The following MMP26 variants were observed in gnomAD, a reference collection of about 807,000 sequenced individuals.
The protein encoded by MMP26 is matrix metalloproteinase-26.
MMP26 carries 33 observed loss-of-function variants against 31.0 expected under a neutral mutation model. The ratio of observed to expected loss-of-function variants is 1.06; its 90% CI spans 0.81 to 1.42. The LOEUF (loss-of-function observed/expected upper bound fraction) is 1.42, where lower values mean the gene tolerates loss of function less well. Ranked by LOEUF, MMP26 falls within the 40% of genes most tolerant of loss-of-function variation. MMP26 has a pLI of 0.00. For synonymous variants in MMP26, 122 were observed against 114.9 expected (o/e 1.06, Z -0.40); for missense variants, 347 against 316.1 (o/e 1.10, Z -0.74).
At chr11:4,881,739 C>T in intron 2 of MMP26, 2 of 672,618 alleles carry the variant, frequency 3.0e-6, no homozygotes, top group South Asian at 4.2e-5. Flanking sequence ...CCTAGATATA[C>T]TATTTAACCT....
chr11:4,825,710 T>G (rs1002539996), intron 2 of MMP26, among the ~76,000 whole-genome samples: 1 of 152,146 alleles, frequency 6.6e-6, no homozygotes, highest in Admixed American at 6.6e-5. Flanking sequence ...GTGATGCCAT[T>G]GAATTTCAAG....
intron 2 of MMP26, among the ~76,000 whole-genome samples, chr11:4,789,706 A>C (rs1055102596): frequency 2.6e-5 from 4 of 151,208 alleles, no homozygotes; most frequent in Non-Finnish European, 5.9e-5. Context: ...ACACCCAGCT[A>C]ATTTTTTGTA....
intron 2 of MMP26, among the ~76,000 whole-genome samples, chr11:4,792,715 T>C (rs1849046566): frequency 6.6e-6 from 1 of 151,106 alleles, no homozygotes. Context: ...GAACATGAAC[T>C]TCTGTTATCA....
intron 2 of MMP26, among the ~76,000 whole-genome samples, chr11:4,771,900 C>T (rs1317359032): frequency 6.6e-6 from 1 of 152,158 alleles, no homozygotes; most frequent in Non-Finnish European, 1.5e-5. Flanking sequence ...TCTATAAACC[C>T]ATATGACTAT....
chr11:4,816,829 G>T (rs1431330036), intron 2 of MMP26, among the ~76,000 whole-genome samples: 1 of 147,076 alleles, frequency 6.8e-6, no homozygotes. Flanking sequence ...TCAGCCTCCC[G>T]AGTAGCTGGG....
rs1290438774 is a variant in MMP26, at chr11:4,954,116, A to T, written c.-144-33952A>T. On this transcript the variant is annotated intron_variant, in intron 2 of 7. Transcript: ENST00000380390. ...AGAAGTGAGAGTTCAAATTTAAAAG[A>T]GGCACTCATATATTCAGTTTGCCTT... 8.7e-5 allele frequency among the ~76,000 whole-genome samples: 11 copies of T among 125,940 alleles called. 4 individuals carry two copies. Among genetic ancestry groups the T allele is most frequent in the Non-Finnish European group, 2.0e-4 (11 of 55,600 alleles). 82.6% of individuals were successfully genotyped at this position (125,940 alleles called of 152,430 possible).
intron 1 of MMP26, among the ~76,000 whole-genome samples, chr11:4,728,347 A>C (rs1219646995): frequency 6.6e-6 from 1 of 152,220 alleles, no homozygotes; most frequent in Non-Finnish European, 1.5e-5. Flanking sequence ...CTTATAGCTG[A>C]GTCCCTCTCT....
intron 2 of MMP26, among the ~76,000 whole-genome samples, chr11:4,891,900 A>G (rs1475848093): frequency 1.3e-5 from 2 of 152,090 alleles, no homozygotes; most frequent in Non-Finnish European, 2.9e-5. Flanking sequence ...TCTCCCTGGA[A>G]TTATAAGGTA....
chr11:4,786,193 A>G (rs1232829807), intron 2 of MMP26, among the ~76,000 whole-genome samples: 1 of 152,142 alleles, frequency 6.6e-6, no homozygotes, highest in Admixed American at 6.5e-5. Flanking sequence ...TCCAGGGAAG[A>G]GGAGAGCTGA....
chr11:4,763,186 G>A (rs1460664997), intron 1 of MMP26, among the ~76,000 whole-genome samples: 1 of 152,056 alleles, frequency 6.6e-6, no homozygotes, highest in Non-Finnish European at 1.5e-5. Flanking sequence ...ATGATATGAA[G>A]TCTGCATCAA....
intron 1 of MMP26, chr11:4,723,731 TA>T: frequency 8.2e-7 from 1 of 1,221,180 alleles, no homozygotes; most frequent in Non-Finnish European, 1.2e-6. Flanking sequence ...AGTTGCCGCC[TA>T]AGGTTGTTGA....
At chr11:4,968,605 T>C (rs1846626834) in intron 2 of MMP26, among the ~76,000 whole-genome samples, 1 of 152,020 alleles carries the variant, frequency 6.6e-6, no homozygotes, top group African/African-American at 2.4e-5. Flanking sequence ...CAAACTATTC[T>C]GATAAGACAC....
In MMP26 at chr11:4,828,524, G is replaced by C. The variant is rs1023903904; in HGVS notation, c.-145+61183G>C. Among the ~76,000 whole-genome samples, 5 of 152,114 alleles carry C rather than the reference G, an allele frequency of 3.3e-5. No individual in the cohort carries two copies. The East Asian group carries it at 9.6e-4, about 29-fold the overall frequency. ...TGGTAGGTAACATAAGAATTGATGG[G>C]GAAAGGAATAAAATTTACTTGTACT... On this transcript the variant is annotated intron_variant, in intron 2 of 7. Transcript: ENST00000380390.
intron 1 of MMP26, among the ~76,000 whole-genome samples, chr11:4,740,401 G>C (rs1012451268): frequency 6.6e-6 from 1 of 152,022 alleles, no homozygotes; most frequent in African/African-American, 2.4e-5. Flanking sequence ...TAATATTTTG[G>C]GGCTGGGGGC....
chr11:4,914,901 G>C (rs777651022), intron 2 of MMP26: 1 of 1,614,030 alleles, frequency 6.2e-7, no homozygotes, highest in South Asian at 1.1e-5. Context: ...GTGTAGAAGA[G>C]CAGCACAGCA....
chr11:4,762,353 C>T (rs1300243572), intron 1 of MMP26, among the ~76,000 whole-genome samples: 1 of 152,112 alleles, frequency 6.6e-6, no homozygotes, highest in Non-Finnish European at 1.5e-5. Flanking sequence ...TTTTAACATA[C>T]ATTGAACATT....
chr11:4,795,360 G>T (rs1302036557), intron 2 of MMP26: 2 of 152,108 alleles, frequency 1.3e-5, no homozygotes, highest in Non-Finnish European at 2.9e-5. Context: ...CCTAACATTT[G>T]GGGGAGAAAC....
intron 1 of MMP26, among the ~76,000 whole-genome samples, chr11:4,750,775 G>A (rs1848437942): frequency 6.6e-6 from 1 of 151,952 alleles, no homozygotes; most frequent in Non-Finnish European, 1.5e-5. Context: ...GGGAAGGGTA[G>A]GAGGGTGGAA....
chr11:4,816,826 C>T (rs1244970046), intron 2 of MMP26, among the ~76,000 whole-genome samples: 1 of 149,660 alleles, frequency 6.7e-6, no homozygotes, highest in Non-Finnish European at 1.5e-5. Flanking sequence ...GCCTCAGCCT[C>T]CCGAGTAGCT....
Sources: allele counts gnomAD v4.1 joint callset (sites outside exome capture counted in the v4.1 genomes callset), GRCh38; gene constraint gnomAD v4.1.1; transcripts MANE v1.5; gene names NCBI Gene and HGNC (gene_info 2026-07-23, HGNC 2026-07-21).